LRGUK: variants seen among roughly 807,000 people sequenced by gnomAD.
LRGUK encodes leucine-rich repeat and guanylate kinase domain-containing protein.
A neutral mutation model predicts 76.0 loss-of-function variants in LRGUK; 65 were observed. The observed-to-expected ratio is 0.85, with a 90% CI of 0.70 to 1.05. The LOEUF is 1.05. Ranked by LOEUF, LRGUK falls within the 50% of genes least tolerant of loss-of-function variation. The pLI is 0.00. For synonymous variants in LRGUK, 268 were observed against 265.6 expected (o/e 1.01, Z -0.09); for missense variants, 758 against 732.8 (o/e 1.03, Z -0.40).
chr7:134,177,099 T>C lies in LRGUK; in HGVS notation c.1107+36T>C, dbSNP rs766783344. ...ATGTCATAACATTACCATTGTGTTA[T>C]TGGGTTAATATGCTCAAAAGCTCGT... On this transcript the variant is annotated intron_variant, in intron 9 of 15. Transcript: ENST00000645682. 6 of 1,371,674 alleles carry C rather than the reference T, an allele frequency of 4.4e-6. No homozygotes were observed. The Admixed American group carries it at 5.7e-5, about 13-fold the overall frequency. The allele number at this position is 1,371,674 out of a possible 1,614,324, so 85.0% of individuals were successfully genotyped here.
chr7:134,177,214 G>T (rs1799521286), intron 9 of LRGUK, 151 bp downstream of exon 9: 1 of 557,436 alleles, frequency 1.8e-6, no homozygotes, highest in African/African-American at 1.9e-5. Context: ...CTTGCCTTAG[G>T]ATCTGTTCAT....
At chr7:134,223,423 A>T (rs1293097829) in intron 16 of LRGUK, among the ~76,000 whole-genome samples, 1 of 152,212 alleles carries the variant, frequency 6.6e-6, no homozygotes, top group Non-Finnish European at 1.5e-5. Context: ...GGCTTCTCAG[A>T]GGCAGCAGGG....
rs1005667492 is a variant in LRGUK at position 134,145,847 on chromosome 7, A to G, written c.589-2391A>G. On this transcript the variant is annotated intron_variant, in intron 4 of 15. Coordinates refer to ENST00000645682, the Ensembl canonical transcript of LRGUK. ...TCCTAGAGCGGGGACTTGTATGTGC[A>G]CTCTTTTTGTATTTATTAGAATGCT... Among the ~76,000 whole-genome samples, 17 of 152,030 alleles carry G rather than the reference A, an allele frequency of 1.1e-4. 1 individual carries two copies. The highest frequency in any genetic ancestry group is 7.2e-4 in the Admixed American group (11 of 15,266).
At chr7:134,254,294 C>A (rs960030800) in intron 18 of LRGUK, among the ~76,000 whole-genome samples, 3 of 152,082 alleles carry the variant, frequency 2.0e-5, no homozygotes, top group African/African-American at 7.2e-5. Flanking sequence ...ATAGCAAAAT[C>A]CTAAATAATA....
intron 8 of LRGUK, among the ~76,000 whole-genome samples, chr7:134,176,638 G>T (rs550510994): frequency 1.3e-5 from 2 of 151,942 alleles, no homozygotes; most frequent in African/African-American, 4.8e-5. Flanking sequence ...CCTTGGCCTC[G>T]CAAAGTGCTG....
intron 11 of LRGUK, among the ~76,000 whole-genome samples, chr7:134,188,859 A>G (rs1256893292): frequency 6.6e-6 from 1 of 152,206 alleles, no homozygotes; most frequent in African/African-American, 2.4e-5. Flanking sequence ...TTCCTGAGGC[A>G]ATCTGGTTCA....
downstream of LRGUK, among the ~76,000 whole-genome samples, chr7:134,267,034 A>G (rs1563205474): frequency 6.6e-6 from 1 of 152,212 alleles, no homozygotes; most frequent in Admixed American, 6.5e-5. Context: ...ATTCAGTGGA[A>G]ATGTCCTTCA....
chr7:134,140,356 T>G (rs1474644604), intron 3 of LRGUK, among the ~76,000 whole-genome samples: 3 of 152,208 alleles, frequency 2.0e-5, no homozygotes. Context: ...TCATTCTTTT[T>G]TGCTGTCTTT....
intron 1 of LRGUK, among the ~76,000 whole-genome samples, chr7:134,129,712 A>G (rs2116786168): frequency 6.6e-6 from 1 of 151,542 alleles, no homozygotes; most frequent in East Asian, 2.0e-4. Flanking sequence ...TGGGCTCAAG[A>G]AATCAGGCCA....
At position 134,137,266 on chromosome 7, in the gene LRGUK, A is replaced by C. The variant is rs1429730883; in HGVS notation, c.405+136A>C. Reference sequence around the variant, plus strand: ...GCATTTGATGGAGACTGGTGACAAGAGATATTTCTGTAAATATTAGACTTC... The same window carrying C: ...GCATTTGATGGAGACTGGTGACAAGCGATATTTCTGTAAATATTAGACTTC... On this transcript the variant is annotated intron_variant, in intron 2 of 15. Transcript: ENST00000645682. 5.6e-5 allele frequency: 36 copies of C among 647,800 alleles called. No individual in the cohort carries two copies. In the East Asian group the frequency reaches 9.9e-4, roughly 18 times the overall value. The allele number at this position is 647,800 out of a possible 1,614,324, so 40.1% of individuals were successfully genotyped here. A position where few individuals can be genotyped will look rare whatever the true frequency, so the allele number is the denominator to read the frequency against.
exon 18 of LRGUK, chr7:134,248,995 C>G (rs774951160): frequency 2.5e-6 from 4 of 1,595,974 alleles, no homozygotes. Context: ...CACTATTATA[C>G]AACTTTAGAA....
intron 5 of LRGUK, among the ~76,000 whole-genome samples, chr7:134,150,276 CAAAAAACAA>C (rs1196879846): frequency 3.5e-3 from 215 of 62,026 alleles, no homozygotes; most frequent in South Asian, 8.5e-3. Flanking sequence ...GACTCTGTCT[CAAAAAACAA>C]AAAAAACAAA....
rs533234040 is a variant in LRGUK, at chr7:134,136,750, A to G, written c.298-273A>G. Among the ~76,000 whole-genome samples the G allele has an allele frequency of 5.9e-5, 9 of 152,334 alleles. No homozygotes were observed. In the South Asian group the frequency reaches 1.0e-3, roughly 18 times the overall value. The stretch of plus-strand genomic sequence containing the variant: ...TACCACCACTGATACTGCTGCTTCT[A>G]CTGCTACAATGTTCACTCAACTTTG... On this transcript the variant is annotated intron_variant, in intron 1 of 15. Coordinates refer to ENST00000645682, the Ensembl canonical transcript of LRGUK.
At chr7:134,128,006 G>A (rs1797094585) in intron 1 of LRGUK, among the ~76,000 whole-genome samples, 1 of 151,440 alleles carries the variant, frequency 6.6e-6, no homozygotes, top group African/African-American at 2.4e-5. Context: ...ACAGTATTGT[G>A]AATAGGCAGA....
At chr7:134,266,750 C>T (rs1306383238), downstream of LRGUK, among the ~76,000 whole-genome samples, 2 of 151,988 alleles carry the variant, frequency 1.3e-5, no homozygotes, top group South Asian at 2.1e-4. Flanking sequence ...AAAAATGACC[C>T]GAAATCTCTA....
At chr7:134,134,886 C>T (rs771898812) in intron 1 of LRGUK, among the ~76,000 whole-genome samples, 6 of 152,158 alleles carry the variant, frequency 3.9e-5, no homozygotes, top group Admixed American at 6.5e-5. Context: ...GGGAACACTA[C>T]GTTGCACATA....
At chr7:134,206,999 C>T (rs576096941) in intron 15 of LRGUK, among the ~76,000 whole-genome samples, 1 of 152,186 alleles carries the variant, frequency 6.6e-6, no homozygotes, top group Admixed American at 6.5e-5. Flanking sequence ...TATGATTTGC[C>T]AAGTTATGTC....
At chr7:134,268,978 G>T (rs771081835), downstream of LRGUK, among the ~76,000 whole-genome samples, 1 of 151,546 alleles carries the variant, frequency 6.6e-6, no homozygotes, top group Non-Finnish European at 1.5e-5. Context: ...TGATCCTCCC[G>T]TCTCAGCCTC....
At chr7:134,218,896 A>G (rs948070629) in intron 15 of LRGUK, among the ~76,000 whole-genome samples, 3 of 152,188 alleles carry the variant, frequency 2.0e-5, no homozygotes, top group African/African-American at 7.2e-5. Flanking sequence ...TACTTCATTT[A>G]TATTTTCCTG....
Sources: gnomAD v4.1 joint callset for allele counts (sites outside exome capture counted in the v4.1 genomes callset) on GRCh38, gnomAD v4.1.1 for gene constraint, MANE v1.5 for transcripts, NCBI Gene and HGNC (gene_info 2026-07-23, HGNC 2026-07-21) for gene names.